Variants in SNAP91 observed in about 807,000 individuals in gnomAD.
SNAP91 encodes synaptosome associated protein 91.
Under a neutral mutation model 100.3 loss-of-function variants are expected in SNAP91, and 27 were observed. The ratio of observed to expected loss-of-function variants is 0.27; its 90% CI spans 0.20 to 0.37. SNAP91 has a LOEUF of 0.37. SNAP91 is among the 10% of genes least tolerant of loss of function. The pLI, the probability that SNAP91 is intolerant of heterozygous loss-of-function variation, is 1.00. For synonymous variants in SNAP91, 404 were observed against 398.6 expected (o/e 1.01, Z -0.16); for missense variants, 986 against 1,123.7 (o/e 0.88, Z 1.75).
chr6:83,683,435 T>C (rs2128930217), intron 2 of SNAP91, among the ~76,000 whole-genome samples: 1 of 152,248 alleles, frequency 6.6e-6, no homozygotes, highest in East Asian at 1.9e-4. Flanking sequence ...GTTAATTCTT[T>C]CTCTATTAGT....
intron 7 of SNAP91, among the ~76,000 whole-genome samples, chr6:83,652,872 C>G (rs895644145): frequency 1.3e-5 from 2 of 152,128 alleles, no homozygotes; most frequent in Non-Finnish European, 2.9e-5. Context: ...GTAAAGAATT[C>G]TAGGTTAAGT....
At chr6:83,604,249 G>C (rs2095474015) in intron 14 of SNAP91, among the ~76,000 whole-genome samples, 1 of 149,648 alleles carries the variant, frequency 6.7e-6, no homozygotes, top group African/African-American at 2.5e-5. Context: ...ATAAAAACAT[G>C]AGTAAAAAAG....
chr6:83,682,914 T>C (rs1198785389), intron 2 of SNAP91, among the ~76,000 whole-genome samples: 1 of 152,068 alleles, frequency 6.6e-6, no homozygotes, highest in Non-Finnish European at 1.5e-5. Context: ...TTTGTCTCCA[T>C]TTCTTCACTC....
At chr6:83,573,985 C>G (rs537537620) in intron 26 of SNAP91, among the ~76,000 whole-genome samples, 1 of 152,234 alleles carries the variant, frequency 6.6e-6, no homozygotes, top group East Asian at 1.9e-4. Flanking sequence ...TTCTGCACAG[C>G]AAAAGAAACT....
Position 83,560,087 on chromosome 6 carries a change from A to T in SNAP91, c.2631+17T>A. 1 of 1,596,290 alleles carries T rather than the reference A, an allele frequency of 6.3e-7. No individual in the cohort carries two copies. Among genetic ancestry groups the T allele is most frequent in the Non-Finnish European group, 8.6e-7 (1 of 1,163,854 alleles). On this transcript the variant is annotated intron_variant, in intron 28 of 29. Coordinates refer to ENST00000369694, the MANE Select transcript of SNAP91 (RefSeq NM_001242792.2). ...ATTAGTTAATGTCACTGATTTGTGG[A>T]CATTGAAGAAACTGACCTGCGTGCC...
intron 8 of SNAP91, among the ~76,000 whole-genome samples, chr6:83,638,094 G>A (rs1188659985): frequency 2.0e-5 from 3 of 152,196 alleles, no homozygotes; most frequent in Non-Finnish European, 4.4e-5. Context: ...GTCCTGGCCA[G>A]TAGAGAACAG....
intron 2 of SNAP91, among the ~76,000 whole-genome samples, chr6:83,700,809 G>A (rs939080437): frequency 2.6e-5 from 4 of 151,980 alleles, no homozygotes; most frequent in African/African-American, 9.7e-5. Flanking sequence ...TGTTGCCCAG[G>A]CTGGTCTCAA....
intron 26 of SNAP91, among the ~76,000 whole-genome samples, chr6:83,566,118 T>C (rs1375135706): frequency 6.6e-6 from 1 of 152,086 alleles, no homozygotes; most frequent in Non-Finnish European, 1.5e-5. Flanking sequence ...GCCATAAAAA[T>C]GGAGTACTGA....
intron 8 of SNAP91, among the ~76,000 whole-genome samples, chr6:83,637,271 G>A (rs555460486): frequency 1.3e-5 from 2 of 152,308 alleles, no homozygotes; most frequent in East Asian, 3.9e-4. Flanking sequence ...TTGGCAGGCT[G>A]TGCTACCCTC....
intron 2 of SNAP91, among the ~76,000 whole-genome samples, chr6:83,675,457 A>T (rs1171904798): frequency 3.9e-5 from 6 of 152,240 alleles, no homozygotes; most frequent in African/African-American, 1.4e-4. Flanking sequence ...TAGTTTCTAA[A>T]CTATTTCAGT....
Position 83,580,571 on chromosome 6 carries a change from C to T in SNAP91, c.2178G>A (p.Met726Ile). 1 of 1,612,704 alleles carries T rather than the reference C, an allele frequency of 6.2e-7. No individual in the cohort carries two copies. The highest frequency in any genetic ancestry group is 8.5e-7 in the Non-Finnish European group (1 of 1,179,500). Residue 726 changes from methionine (M) to isoleucine (I), a missense_variant, in exon 24 of 30, where the codon ATG becomes ATA. Around this residue, in one of 4 missense-constraint regions of SNAP91, gnomAD observed 575 missense variants for 579.9 expected, o/e 0.99. Transcript: ENST00000369694. ...SVFDGLGDLL[M>I]PTMAPAGQPA... ...GCTGCCCAGCTGGTGCCATGGTTGG[C>T]ATCAAAAGATCACCTAGACCATCAA... is the stretch of plus-strand genomic sequence containing the variant.
At chr6:83,555,202 T>G (rs894448723) in intron 29 of SNAP91, among the ~76,000 whole-genome samples, 2 of 150,086 alleles carry the variant, frequency 1.3e-5, no homozygotes, top group African/African-American at 2.4e-5. Context: ...CTTAGAATAA[T>G]GCATCATTAA....
At chr6:83,619,782 T>C (rs1158484581) in intron 9 of SNAP91, among the ~76,000 whole-genome samples, 1 of 152,192 alleles carries the variant, frequency 6.6e-6, no homozygotes, top group Non-Finnish European at 1.5e-5. Flanking sequence ...TATTAAAAAA[T>C]TCTTTTCTCG....
chr6:83,596,985 G>T (rs1342514929), intron 16 of SNAP91, among the ~76,000 whole-genome samples: 3 of 152,078 alleles, frequency 2.0e-5, no homozygotes, highest in African/African-American at 7.2e-5. Flanking sequence ...ACCCCTTTAG[G>T]TTATCACTTA....
chr6:83,634,522 C>T (rs892271796), intron 8 of SNAP91, among the ~76,000 whole-genome samples: 1 of 152,114 alleles, frequency 6.6e-6, no homozygotes, highest in Admixed American at 6.6e-5. Flanking sequence ...TTCCTGCAGT[C>T]ATTCTGGAGC....
intron 12 of SNAP91, among the ~76,000 whole-genome samples, chr6:83,610,315 T>C (rs2095918409): frequency 6.6e-6 from 1 of 152,002 alleles, no homozygotes; most frequent in Admixed American, 6.6e-5. Flanking sequence ...ACAACATGGC[T>C]GAACCTTGAA....
intron 2 of SNAP91, among the ~76,000 whole-genome samples, chr6:83,695,940 A>AG (rs1277320421): frequency 1.5e-5 from 2 of 130,566 alleles, no homozygotes; most frequent in African/African-American, 5.6e-5. Flanking sequence ...TATTGTGGGG[A>AG]GGGGGGTGGG....
intron 11 of SNAP91, among the ~76,000 whole-genome samples, chr6:83,614,164 C>G (rs1372302533): frequency 1.3e-5 from 2 of 152,134 alleles, no homozygotes; most frequent in Non-Finnish European, 2.9e-5. Flanking sequence ...TGTGAAAGAT[C>G]TATCTACATC....
chr6:83,585,830 A>G (rs2092452158), intron 22 of SNAP91, among the ~76,000 whole-genome samples: 1 of 151,496 alleles, frequency 6.6e-6, no homozygotes, highest in Admixed American at 6.6e-5. Flanking sequence ...TTTCAGTTGC[A>G]GGAGTACAAT....
Sources: gnomAD v4.1 joint callset for allele counts (sites outside exome capture counted in the v4.1 genomes callset) on GRCh38, gnomAD v4.1.1 for gene constraint, gnomAD v4.1.1 regional missense constraint, MANE v1.5 for transcripts, NCBI Gene and HGNC (gene_info 2026-07-23, HGNC 2026-07-21) for gene names.